The following CUX1 variants were observed in gnomAD, a reference collection of about 807,000 sequenced individuals.
CUX1 encodes the protein cut like homeobox 1.
In CUX1, 31 loss-of-function variants were observed where a neutral mutation model predicts 158.8. That is an observed-to-expected ratio of 0.20 (90% CI 0.15 to 0.26). The LOEUF is 0.26. Among genes scored for constraint, CUX1 ranks in the 10% least tolerant of loss-of-function variants. CUX1 has a pLI of 1.00. For synonymous variants in CUX1, 879 were observed against 862.1 expected (o/e 1.02, Z -0.34); for missense variants, 1,589 against 2,014.6 (o/e 0.79, Z 4.04).
intron 3 of CUX1, among the ~76,000 whole-genome samples, chr7:102,051,524 T>A (rs1438972055): frequency 6.6e-6 from 1 of 152,028 alleles, no homozygotes; most frequent in Non-Finnish European, 1.5e-5. Flanking sequence ...GGTGCGCAAC[T>A]GTAGTCCCAG....
exon 23 of CUX1, chr7:102,283,270 C>A: frequency 1.6e-6 from 1 of 622,890 alleles, no homozygotes. Flanking sequence ...TCGGTCACAT[C>A]AGGCCCGCTA....
At chr7:101,917,444 C>T (rs1028961015) in intron 2 of CUX1, among the ~76,000 whole-genome samples, 44 of 152,168 alleles carry the variant, frequency 2.9e-4, no homozygotes, top group African/African-American at 8.9e-4. Context: ...CGCTGCTTGC[C>T]TCGGCTGCCC....
chr7:102,278,352 G>T (rs1190566944), intron 18 of CUX1, among the ~76,000 whole-genome samples: 6 of 152,302 alleles, frequency 3.9e-5, no homozygotes, highest in African/African-American at 1.4e-4. Flanking sequence ...CACTGTGGGA[G>T]GCCGAGGCAG....
chr7:102,038,622 C>A (rs1425068227), intron 3 of CUX1, among the ~76,000 whole-genome samples: 1 of 152,152 alleles, frequency 6.6e-6, no homozygotes, highest in Non-Finnish European at 1.5e-5. Context: ...TCACCTGTAC[C>A]TTGACGCGGC....
chr7:102,153,061 C>T (rs1004245037), intron 8 of CUX1, among the ~76,000 whole-genome samples: 1 of 152,248 alleles, frequency 6.6e-6, no homozygotes, highest in Non-Finnish European at 1.5e-5. Context: ...TCTGCACCTT[C>T]CCGCGTCAGT....
At chr7:101,820,459 C>G (rs1474067873) in intron 1 of CUX1, among the ~76,000 whole-genome samples, 1 of 152,204 alleles carries the variant, frequency 6.6e-6, no homozygotes, top group African/African-American at 2.4e-5. Flanking sequence ...AAAGGCAACT[C>G]TAACCATTAT....
intron 8 of CUX1, among the ~76,000 whole-genome samples, chr7:102,120,614 A>G (rs1266640318): frequency 1.3e-5 from 2 of 152,272 alleles, no homozygotes; most frequent in Non-Finnish European, 2.9e-5. Context: ...TATTTTCTTT[A>G]TAACATGTAT....
intron 8 of CUX1, among the ~76,000 whole-genome samples, chr7:102,132,598 T>C (rs1266456692): frequency 1.3e-5 from 2 of 151,812 alleles, no homozygotes; most frequent in East Asian, 3.9e-4. Context: ...TCATGTTAGT[T>C]CCGCCTTCTT....
rs533284782 is a variant in CUX1, at chr7:102,185,596, G to GT, written c.1018-4207dup. Among the ~76,000 whole-genome samples the GT allele has an allele frequency of 5.0e-3, 741 of 148,596 alleles. 6 individuals carry two copies. The highest frequency in any genetic ancestry group is 0.037 in the South Asian group (174 of 4,664). On this transcript the variant is annotated intron_variant, in intron 11 of 23. Coordinates refer to ENST00000292535, the MANE Select transcript of CUX1 (RefSeq NM_181552.4). ...TAACACACCCAGCTAATGTTTTGGG[G>GT]TTTTTTTTTTGTTTTTTTTTTTTGG...
intron 2 of CUX1, among the ~76,000 whole-genome samples, chr7:101,970,908 G>A (rs1371705273): frequency 1.3e-5 from 2 of 152,186 alleles, no homozygotes; most frequent in Non-Finnish European, 2.9e-5. Flanking sequence ...GACCTCCTTG[G>A]AGTGTAGAGG....
intron 4 of CUX1, 32 bp downstream of exon 4, chr7:102,070,449 G>A (rs199967775): frequency 6.5e-7 from 1 of 1,536,504 alleles, no homozygotes; most frequent in East Asian, 2.3e-5. Context: ...CCACCAGTGG[G>A]GGGCGTTGTG....
intron 20 of CUX1, among the ~76,000 whole-genome samples, chr7:102,214,675 C>CA (rs1449216437): frequency 6.6e-6 from 1 of 152,244 alleles, no homozygotes; most frequent in African/African-American, 2.4e-5. Context: ...GCCATGCCGA[C>CA]ACCCAGGCCC....
chr7:101,987,864 G>A (rs1011014134), intron 2 of CUX1, among the ~76,000 whole-genome samples: 11 of 152,158 alleles, frequency 7.2e-5, no homozygotes, highest in Non-Finnish European at 2.9e-5. Context: ...AAGTCTAAAC[G>A]AACTCTTGAC....
At chr7:102,016,296 C>T (rs1362700898) in intron 2 of CUX1, among the ~76,000 whole-genome samples, 2 of 152,198 alleles carry the variant, frequency 1.3e-5, no homozygotes, top group Non-Finnish European at 1.5e-5. Flanking sequence ...TCTGCAGCAC[C>T]GGCCACAGAT....
In CUX1 at chr7:102,205,228, C is replaced by G. The variant is rs991561451; in HGVS notation, c.3130+58C>G. 51 of 1,301,192 alleles carry G rather than the reference C, an allele frequency of 3.9e-5. No individual in the cohort carries two copies. The African/African-American group carries it at 6.3e-4, about 16-fold the overall frequency. The allele number at this position is 1,301,192 out of a possible 1,614,324, so 80.6% of individuals were successfully genotyped here. On this transcript the variant is annotated intron_variant, in intron 20 of 23. Coordinates refer to ENST00000292535, the MANE Select transcript of CUX1 (RefSeq NM_181552.4). ...AATGTCTCACTGCCTTTTCTGTTGTCCCGTGCTGTGGTCTGTCCCGGCGAG... is the reference window on the plus strand; with the variant it reads ...AATGTCTCACTGCCTTTTCTGTTGTGCCGTGCTGTGGTCTGTCCCGGCGAG...
chr7:102,046,888 G>T (rs1485759012), intron 3 of CUX1, among the ~76,000 whole-genome samples: 2 of 152,098 alleles, frequency 1.3e-5, no homozygotes, highest in Non-Finnish European at 2.9e-5. Flanking sequence ...GCTCACTTCT[G>T]TTCTTGACAG....
At chr7:101,834,267 G>A (rs181110842) in intron 1 of CUX1, among the ~76,000 whole-genome samples, 169 of 143,418 alleles carry the variant, frequency 1.2e-3, no homozygotes, top group Non-Finnish European at 1.9e-3. Context: ...TCCGCCTCCT[G>A]GGTTCAAGCG....
chr7:102,104,246 G>T, intron 5 of CUX1, 90 bp from the exon 6 acceptor site: 16 of 1,304,208 alleles, frequency 1.2e-5, no homozygotes, highest in Non-Finnish European at 1.7e-5. Flanking sequence ...AAAACACACC[G>T]ATCCTACCAG....
At chr7:102,046,525 G>A (rs1822820649) in intron 3 of CUX1, among the ~76,000 whole-genome samples, 1 of 149,350 alleles carries the variant, frequency 6.7e-6, no homozygotes, top group African/African-American at 2.5e-5. Flanking sequence ...AAGCCACTGT[G>A]CCCAGCCCCC....
Sources: allele counts gnomAD v4.1 joint callset (sites outside exome capture counted in the v4.1 genomes callset), GRCh38; gene constraint gnomAD v4.1.1; transcripts MANE v1.5; gene names NCBI Gene and HGNC (gene_info 2026-07-23, HGNC 2026-07-21).